TANC1: variants seen among roughly 807,000 people sequenced by gnomAD.
The protein encoded by TANC1 is tetratricopeptide repeat, ankyrin repeat and coiled-coil containing 1.
Under a neutral mutation model 149.7 loss-of-function variants are expected in TANC1, and 77 were observed. The observed-to-expected ratio is 0.51, with a 90% CI of 0.43 to 0.62. TANC1 has a LOEUF of 0.62. Ranked by LOEUF, TANC1 falls within the 20% of genes least tolerant of loss-of-function variation. TANC1 has a pLI of 0.00. For synonymous variants in TANC1, 854 were observed against 925.0 expected (o/e 0.92, Z 1.39); for missense variants, 1,985 against 2,321.8 (o/e 0.85, Z 2.98).
intron 2 of TANC1, among the ~76,000 whole-genome samples, chr2:159,029,460 G>A (rs560388045): frequency 1.6e-4 from 25 of 152,282 alleles, no homozygotes; most frequent in African/African-American, 5.8e-4. Flanking sequence ...TACAGAGTGG[G>A]TTCTTTCCTG....
chr2:158,998,748 A>T (rs1389128119), intron 1 of TANC1, among the ~76,000 whole-genome samples: 1 of 152,194 alleles, frequency 6.6e-6, no homozygotes, highest in Non-Finnish European at 1.5e-5. Context: ...AGGGATGGTG[A>T]GTCAGCTCTG....
chr2:159,035,744 G>C (rs1365032456), intron 2 of TANC1, among the ~76,000 whole-genome samples: 2 of 152,168 alleles, frequency 1.3e-5, no homozygotes, highest in Non-Finnish European at 2.9e-5. Context: ...CCTCCTCTCA[G>C]GAAGCTGCCT....
chr2:159,092,854 T>C (rs941505757), intron 3 of TANC1, among the ~76,000 whole-genome samples: 2 of 152,218 alleles, frequency 1.3e-5, no homozygotes, highest in African/African-American at 2.4e-5. Context: ...AAATGTGTCG[T>C]TTTGGGGATC....
intron 2 of TANC1, among the ~76,000 whole-genome samples, chr2:159,002,963 T>C (rs1438561470): frequency 6.6e-6 from 1 of 152,226 alleles, no homozygotes; most frequent in Non-Finnish European, 1.5e-5. Context: ...CTATCAGACA[T>C]GCAGCAGTAT....
At chr2:159,025,409 C>T (rs759789293) in intron 2 of TANC1, among the ~76,000 whole-genome samples, 5 of 152,172 alleles carry the variant, frequency 3.3e-5, no homozygotes, top group East Asian at 1.9e-4. Context: ...ACTCATTCTG[C>T]GTAACTGCAA....
Position 159,097,780 on chromosome 2 carries a change from T to C in TANC1, c.205T>C (p.Leu69=). The change falls in exon 4 of 27, where the codon TTG becomes CTG. Residue 69 remains leucine, a synonymous_variant. Transcript: ENST00000263635. ...GVSMSLPSSP[L]LPRQSHLVQS... Reference sequence around the variant, plus strand: ...CTCGATGTCTCTGCCTTCCTCACCTTTGCTGCCTCGACAGTCTCACTTGGT... The same window carrying C: ...CTCGATGTCTCTGCCTTCCTCACCTCTGCTGCCTCGACAGTCTCACTTGGT... 1.9e-6 allele frequency: 3 copies of C among 1,614,042 alleles called. No individual in the cohort carries two copies. Among genetic ancestry groups the C allele is most frequent in the Non-Finnish European group, 2.5e-6 (3 of 1,180,014 alleles).
intron 2 of TANC1, among the ~76,000 whole-genome samples, chr2:159,037,290 A>T (rs565352451): frequency 7.9e-5 from 12 of 152,060 alleles, no homozygotes; most frequent in Admixed American, 1.3e-4. Flanking sequence ...GATTGCAAAA[A>T]TTTTCTCCCA....
chr2:159,047,148 A>G (rs1033308447), intron 2 of TANC1, among the ~76,000 whole-genome samples: 10 of 151,290 alleles, frequency 6.6e-5, no homozygotes, highest in Admixed American at 6.6e-4. Flanking sequence ...TGGATGACTC[A>G]TAGGTACTTT....
intron 24 of TANC1, chr2:159,226,034 C>T (rs9678325): frequency 0.5 from 224,490 of 452,446 alleles, 58,153 homozygotes; most frequent in Non-Finnish European, 0.56. Flanking sequence ...ATACAAAAAT[C>T]AGCCAGGTGC....
Position 158,970,459 on chromosome 2 carries a change from A to T in TANC1, c.-126+1677A>T, listed in dbSNP as rs573608490. On this transcript the variant is annotated intron_variant, in intron 1 of 26. Coordinates refer to ENST00000263635, the MANE Select transcript of TANC1 (RefSeq NM_033394.3). ...ATGAAGGAGTTTATGAGCGGCTGAG[A>T]CTACTTCATTATAGAAGTAGTCTGA... Among the ~76,000 whole-genome samples, 26 of 152,274 alleles carry T rather than the reference A, an allele frequency of 1.7e-4. No individual in the cohort carries two copies. The South Asian group carries it at 5.4e-3, about 32-fold the overall frequency.
intron 20 of TANC1, 107 bp downstream of exon 20, chr2:159,217,737 C>G: frequency 7.1e-7 from 1 of 1,409,222 alleles, no homozygotes. Flanking sequence ...CCTGTCTGTT[C>G]CCCATCCTCG....
intron 2 of TANC1, among the ~76,000 whole-genome samples, chr2:159,027,699 A>G (rs1270141853): frequency 1.3e-5 from 2 of 152,192 alleles, no homozygotes; most frequent in African/African-American, 4.8e-5. Flanking sequence ...ATTTTCAGCT[A>G]TCTGTTATAG....
At chr2:159,068,067 T>C (rs938713974) in intron 3 of TANC1, among the ~76,000 whole-genome samples, 2 of 152,232 alleles carry the variant, frequency 1.3e-5, no homozygotes, top group Non-Finnish European at 2.9e-5. Flanking sequence ...CCATAAAATA[T>C]CTGCATGGTA....
chr2:159,163,528 CG>C lies in TANC1; in HGVS notation c.930del (p.Asn312ThrfsTer14). ...SQGSSSLIMP[R>X]PNSVAATSST... ...GGGCTCCAGCTCACTAATAATGCCA[CG>C]GCCCAACTCAGTTGCAGGTAAGGCC... On this transcript the variant is annotated frameshift_variant, in exon 8 of 27. Coordinates refer to ENST00000263635, the MANE Select transcript of TANC1 (RefSeq NM_033394.3). LOFTEE classifies it high-confidence loss of function. The C allele has an allele frequency of 6.2e-7, 1 of 1,612,256 alleles. No individual in the cohort carries two copies. Among genetic ancestry groups the C allele is most frequent in the Non-Finnish European group, 8.5e-7 (1 of 1,179,568 alleles).
intron 2 of TANC1, among the ~76,000 whole-genome samples, chr2:159,020,878 T>G (rs1229995524): frequency 6.6e-6 from 1 of 152,084 alleles, no homozygotes; most frequent in Non-Finnish European, 1.5e-5. Context: ...CTCTTTTTTT[T>G]TTTTTCCTGG....
At chr2:159,092,861 G>T (rs1279375379) in intron 3 of TANC1, among the ~76,000 whole-genome samples, 1 of 152,182 alleles carries the variant, frequency 6.6e-6, no homozygotes, top group Admixed American at 6.5e-5. Context: ...TCGTTTTGGG[G>T]ATCTCTATCT....
At chr2:159,093,011 T>C (rs1574608051) in intron 3 of TANC1, among the ~76,000 whole-genome samples, 1 of 152,246 alleles carries the variant, frequency 6.6e-6, no homozygotes, top group East Asian at 1.9e-4. Context: ...TCTGAGACAG[T>C]GTGATTGCAT....
chr2:158,985,375 T>C (rs538417027), intron 1 of TANC1, among the ~76,000 whole-genome samples: 2 of 152,290 alleles, frequency 1.3e-5, no homozygotes, highest in African/African-American at 4.8e-5. Context: ...GAACAAAATT[T>C]CAACAAATGA....
intron 2 of TANC1, among the ~76,000 whole-genome samples, chr2:159,025,189 T>TTCTTTC (rs2039183438): frequency 1.9e-5 from 2 of 105,222 alleles, no homozygotes; most frequent in Admixed American, 1.1e-4. Flanking sequence ...TTTTTCTTTC[T>TTCTTTC]TTTCTTTCTT....
Sources: allele counts gnomAD v4.1 joint callset (sites outside exome capture counted in the v4.1 genomes callset), GRCh38; gene constraint gnomAD v4.1.1; transcripts MANE v1.5; gene names NCBI Gene and HGNC (gene_info 2026-07-23, HGNC 2026-07-21).